FZR1: variants seen among roughly 807,000 people sequenced by gnomAD.
FZR1 encodes the protein fizzy and cell division cycle 20 related 1.
A neutral mutation model predicts 63.6 loss-of-function variants in FZR1; 11 were observed. The observed-to-expected ratio is 0.17, with a 90% CI of 0.11 to 0.29. FZR1 has a LOEUF of 0.29. Ranked by LOEUF, FZR1 falls within the 10% of genes least tolerant of loss-of-function variation. The pLI, the probability that FZR1 is intolerant of heterozygous loss-of-function variation, is 1.00. For missense variants in FZR1, 440 were observed against 687.5 expected (o/e 0.64, Z 4.03); for synonymous variants, 328 against 297.9 (o/e 1.10, Z -1.04).
chr19:3,524,330 G>A (rs1192609393), intron 2 of FZR1, among the ~76,000 whole-genome samples: 1 of 152,224 alleles, frequency 6.6e-6, no homozygotes, highest in African/African-American at 2.4e-5. Context: ...CAGCCAGGCC[G>A]GGGTGTGAAC....
At chr19:3,512,545 T>C (rs1568229209) in intron 1 of FZR1, among the ~76,000 whole-genome samples, 1 of 152,200 alleles carries the variant, frequency 6.6e-6, no homozygotes, top group African/African-American at 2.4e-5. Flanking sequence ...AACCTTTTCA[T>C]GGGACTTGGT....
rs1383487046 is a variant in FZR1, at chr19:3,530,940, C to G, written c.720+83C>G. 1.9e-5 allele frequency: 20 copies of G among 1,079,956 alleles called. No homozygotes were observed. The African/African-American group carries it at 2.2e-4, about 12-fold the overall frequency. The allele number at this position is 1,079,956 out of a possible 1,614,324, so 66.9% of individuals were successfully genotyped here. A position where few individuals can be genotyped will look rare whatever the true frequency, so the allele number is the denominator to read the frequency against. On this transcript the variant is annotated intron_variant, in intron 8 of 13. Transcript: ENST00000441788. ...TGGGGGCCTTGAAGACCCAGAGGGT[C>G]TAGTGCGTGGCCTGAGGTCGCCTGT...
rs899679117 is a variant in FZR1 at position 3,537,830 on chromosome 19, C to T, written c.*2994C>T. On this transcript the variant is annotated 3_prime_UTR_variant, in exon 14 of 14. Coordinates refer to ENST00000441788, the MANE Select transcript of FZR1 (RefSeq NM_016263.4). ...GGGACACAGCCCAGAGACAGAGAAG[C>T]TTATGAGGAAGTGAGGAGGTGGCGT... 2 of 152,554 alleles carry T rather than the reference C, an allele frequency of 1.3e-5. No homozygotes were observed. Among genetic ancestry groups the T allele is most frequent in the African/African-American group, 4.8e-5 (2 of 41,412 alleles). The allele number at this position is 152,554 out of a possible 1,614,324, so 9.5% of individuals were successfully genotyped here.
At chr19:3,530,654 GTGGATGGGAGAGTGGATGAGAT>G (rs1403797486) in intron 7 of FZR1, 116 bp from the exon 8 acceptor site, 50 of 660,922 alleles carry the variant, frequency 7.6e-5, no homozygotes, top group Middle Eastern at 7.3e-4. Flanking sequence ...GGATGGGACT[GTGGATGGGAGAGTGGATGAGAT>G]TGGATGGGAG....
chr19:3,532,710 T>G, intron 11 of FZR1, 60 bp downstream of exon 11: 1 of 1,160,994 alleles, frequency 8.6e-7, no homozygotes, highest in Non-Finnish European at 1.3e-6. Context: ...GCTGGCCCCT[T>G]ACCTGCCACC....
At chr19:3,527,880 C>G in intron 7 of FZR1, 66 bp downstream of exon 7, 1 of 1,287,576 alleles carries the variant, frequency 7.8e-7, no homozygotes. Context: ...CCTCAATGTA[C>G]CCACCGGGAT....
At chr19:3,530,727 T>G (rs376069915) in intron 7 of FZR1, 65 bp from the exon 8 acceptor site, 2 of 1,195,108 alleles carry the variant, frequency 1.7e-6, no homozygotes, top group African/African-American at 3.0e-5. Context: ...GAGGGATGAA[T>G]GTACCCATGG....
intron 1 of FZR1, among the ~76,000 whole-genome samples, chr19:3,507,384 C>G (rs1599768272): frequency 6.6e-6 from 1 of 151,988 alleles, no homozygotes; most frequent in African/African-American, 2.4e-5. Context: ...CACCCCCTCC[C>G]CCTCTTCCAC....
At chr19:3,521,530 C>G (rs901095052) in intron 1 of FZR1, among the ~76,000 whole-genome samples, 9 of 151,206 alleles carry the variant, frequency 6.0e-5, no homozygotes, top group African/African-American at 1.7e-4. Flanking sequence ...GAGACAGAGT[C>G]CCGCTCTGTC....
intron 8 of FZR1, among the ~76,000 whole-genome samples, chr19:3,531,096 C>T (rs1223299215): frequency 6.6e-6 from 1 of 152,144 alleles, no homozygotes; most frequent in Admixed American, 6.6e-5. Flanking sequence ...AAATAACGCC[C>T]CAGTTCCTTC....
At position 3,527,666 on chromosome 19, in the gene FZR1, G is replaced by A. The variant is rs144842420; in HGVS notation, c.506G>A (p.Arg169His). ...KLLRSPRKPT[R>H]KISKIPFKVL... is the part of the protein sequence containing the mutation. ...CTCCGGTCCCCCCGGAAACCCACCCGCAAGATCTCCAAGATCCCCTTCAAG... is the reference window on the plus strand; with the variant it reads ...CTCCGGTCCCCCCGGAAACCCACCCACAAGATCTCCAAGATCCCCTTCAAG... The change falls in exon 7 of 14, where the codon CGC becomes CAC. Residue 169 changes from arginine to histidine, a missense_variant. Arg to His is a conservative substitution (Grantham distance 29, BLOSUM62 0). This residue lies in a region of FZR1 where 200 missense variants were observed against 245.1 expected (regional missense o/e 0.82). Transcript: ENST00000441788. 3.1e-6 allele frequency: 5 copies of A among 1,611,208 alleles called. No individual in the cohort carries two copies. The highest frequency in any genetic ancestry group is 2.2e-5 in the South Asian group (2 of 91,076).
chr19:3,509,336 G>A (rs963074822), intron 1 of FZR1, among the ~76,000 whole-genome samples: 36 of 152,180 alleles, frequency 2.4e-4, no homozygotes, highest in Admixed American at 1.9e-3. Context: ...TCACTCAGCC[G>A]CCACTGACCA....
In FZR1 at chr19:3,532,475, C is replaced by G; in HGVS notation, c.1067C>G (p.Ala356Gly). Residue 356 changes from alanine (A) to glycine (G), a missense_variant, in exon 11 of 14, where the codon GCG becomes GGG. Coordinates refer to ENST00000441788, the MANE Select transcript of FZR1 (RefSeq NM_016263.4). ...GTGCAGCAGTACACGGAGCACCTGG[C>G]GGCCGTGAAGGCCATCGCCTGGTCC... The part of the protein sequence containing the change: ...SPVQQYTEHL[A>G]AVKAIAWSPH... The G allele has an allele frequency of 6.2e-7, 1 of 1,602,436 alleles. No homozygotes were observed. Among genetic ancestry groups the G allele is most frequent in the African/African-American group, 1.3e-5 (1 of 74,758 alleles).
rs1388649538 is a variant in FZR1, at chr19:3,533,465, G to A, written c.1347+67G>A. The A allele has an allele frequency of 2.1e-6, 2 of 938,030 alleles. No individual in the cohort carries two copies. The highest frequency in any genetic ancestry group is 3.5e-6 in the Non-Finnish European group (2 of 573,718). 58.1% of individuals were successfully genotyped at this position (938,030 alleles called of 1,614,324 possible). A position where few individuals can be genotyped will look rare whatever the true frequency, so the allele number is the denominator to read the frequency against. ...GACAAACTGCCATGGCCACCCCAGA[G>A]CACCCTGTCCTGTGTTCTTAGGGAG... On this transcript the variant is annotated intron_variant, in intron 12 of 13. Coordinates refer to ENST00000441788, the MANE Select transcript of FZR1 (RefSeq NM_016263.4). The surrounding 1 kb of genome is among the most constrained non-coding windows in gnomAD (Gnocchi z 4.9).
At chr19:3,513,957 G>GA (rs2083040914) in intron 1 of FZR1, among the ~76,000 whole-genome samples, 1 of 152,176 alleles carries the variant, frequency 6.6e-6, no homozygotes, top group African/African-American at 2.4e-5. Context: ...TAAAGAGCCT[G>GA]AAAAAAATAT....
At chr19:3,522,872 C>T (rs1274025031) in intron 1 of FZR1, 84 bp from the exon 2 acceptor site, 10 of 757,444 alleles carry the variant, frequency 1.3e-5, no homozygotes, top group Non-Finnish European at 2.4e-5. Context: ...CTCTAGCTCC[C>T]AGGGCCTGGA....
chr19:3,507,015 A>G (rs1462978618), intron 1 of FZR1, among the ~76,000 whole-genome samples: 1 of 151,886 alleles, frequency 6.6e-6, no homozygotes, highest in African/African-American at 2.4e-5. Context: ...CGCCCCAGTA[A>G]AATGCAGTCC....
At chr19:3,519,692 C>G (rs1046565356) in intron 1 of FZR1, among the ~76,000 whole-genome samples, 5 of 152,224 alleles carry the variant, frequency 3.3e-5, no homozygotes, top group African/African-American at 9.6e-5. Flanking sequence ...GCACGCACCA[C>G]CTCTGCACAG....
chr19:3,529,969 AGT>A (rs1365846914), intron 7 of FZR1, among the ~76,000 whole-genome samples: 2 of 115,836 alleles, frequency 1.7e-5, no homozygotes, highest in East Asian at 5.1e-4. Context: ...AGTGGATGAG[AGT>A]GGTTGAGGGA....
Sources: allele counts gnomAD v4.1 joint callset (sites outside exome capture counted in the v4.1 genomes callset), GRCh38; gene constraint gnomAD v4.1.1; regional missense constraint gnomAD v4.1.1; non-coding constraint Gnocchi (gnomAD v3.1); transcripts MANE v1.5; gene names NCBI Gene and HGNC (gene_info 2026-07-23, HGNC 2026-07-21).